TAFA5: variants seen among roughly 807,000 people sequenced by gnomAD.
TAFA5 encodes the protein TAFA chemokine like family member 5.
In TAFA5, 6 loss-of-function variants were observed where a neutral mutation model predicts 15.3. That is an observed-to-expected ratio of 0.39 (90% CI 0.21 to 0.77). The LOEUF (loss-of-function observed/expected upper bound fraction) is 0.77. TAFA5 is among the 30% of genes least tolerant of loss of function. The pLI, the probability that TAFA5 is intolerant of heterozygous loss-of-function variation, is 0.41. For synonymous variants in TAFA5, 103 were observed against 80.7 expected (o/e 1.28, Z -1.48); for missense variants, 161 against 193.1 (o/e 0.83, Z 0.98).
chr22:48,669,304 G>A (rs9617493), intron 2 of TAFA5, among the ~76,000 whole-genome samples: 55,581 of 152,220 alleles, frequency 0.37, 10,375 homozygotes, highest in Non-Finnish European at 0.41. Context: ...GAAGGTGGCT[G>A]CAGGCCCCAG....
At chr22:48,735,275 G>A (rs1006138827) in intron 3 of TAFA5, among the ~76,000 whole-genome samples, 38 of 152,158 alleles carry the variant, frequency 2.5e-4, no homozygotes, top group East Asian at 1.9e-4. Context: ...AACCTCAAAC[G>A]TAGGACAGTC....
At chr22:48,607,847 G>C (rs1181192563) in intron 1 of TAFA5, among the ~76,000 whole-genome samples, 1 of 151,796 alleles carries the variant, frequency 6.6e-6, no homozygotes, top group African/African-American at 2.4e-5. Flanking sequence ...TCCATTTTTT[G>C]CTTGGTCTAA....
At position 48,669,300 on chromosome 22, in the gene TAFA5, G is replaced by A. The variant is rs111859224; in HGVS notation, c.262+22554G>A. Among the ~76,000 whole-genome samples, 575 of 152,364 alleles carry A rather than the reference G, an allele frequency of 3.8e-3. 4 individuals carry two copies. Among genetic ancestry groups the A allele is most frequent in the African/African-American group, 0.013 (553 of 41,584 alleles). Reference sequence around the variant, plus strand: ...TCCAAACTCTGAAAAAGGAGAAGGTGGCTGCAGGCCCCAGCCCATGAGCTT... The same window carrying A: ...TCCAAACTCTGAAAAAGGAGAAGGTAGCTGCAGGCCCCAGCCCATGAGCTT... On this transcript the variant is annotated intron_variant, in intron 2 of 3. Transcript: ENST00000402357.
intron 1 of TAFA5, among the ~76,000 whole-genome samples, chr22:48,636,782 T>C (rs1926466801): frequency 6.6e-6 from 1 of 152,092 alleles, no homozygotes. Context: ...AGAGCTAGTG[T>C]GGGTGTGGGC....
intron 1 of TAFA5, among the ~76,000 whole-genome samples, chr22:48,577,625 G>A (rs1418554385): frequency 6.6e-6 from 1 of 152,222 alleles, no homozygotes; most frequent in Non-Finnish European, 1.5e-5. Flanking sequence ...ACATTCAGCT[G>A]CTTTCCTGAC....
chr22:48,597,060 G>C (rs771322944), intron 1 of TAFA5, among the ~76,000 whole-genome samples: 218 of 152,322 alleles, frequency 1.4e-3, no homozygotes, highest in Non-Finnish European at 2.0e-3. Context: ...TCCCGTCTTG[G>C]CCTCCCCAAA....
intron 1 of TAFA5, among the ~76,000 whole-genome samples, chr22:48,615,171 T>C (rs1300544317): frequency 1.3e-5 from 2 of 152,156 alleles, no homozygotes. Context: ...TGGACAGGTA[T>C]GTGTCTCTCC....
At chr22:48,518,789 C>T (rs1051799928) in intron 1 of TAFA5, among the ~76,000 whole-genome samples, 1 of 152,220 alleles carries the variant, frequency 6.6e-6, no homozygotes, top group African/African-American at 2.4e-5. Context: ...CCCAGGGTCA[C>T]GCTGGGACAG....
At chr22:48,525,849 C>T (rs918689290) in intron 1 of TAFA5, among the ~76,000 whole-genome samples, 1 of 152,170 alleles carries the variant, frequency 6.6e-6, no homozygotes, top group African/African-American at 2.4e-5. Context: ...TGAGGTCGCC[C>T]CTGCAGAGGC....
rs184410013 is a variant in TAFA5 at position 48,494,556 on chromosome 22, C to A, written c.112+4852C>A. 1.1e-3 allele frequency among the ~76,000 whole-genome samples: 174 copies of A among 152,276 alleles called. 1 individual carries two copies. The highest frequency in any genetic ancestry group is 4.0e-3 in the African/African-American group (167 of 41,554). ...CCTGTGTTGGTGCAGATGCAGGGGG[C>A]CCATAGCGTCTGGTGTGTCTCTTCT... On this transcript the variant is annotated intron_variant, in intron 1 of 3. Coordinates refer to ENST00000402357, the MANE Select transcript of TAFA5 (RefSeq NM_001082967.3).
intron 2 of TAFA5, among the ~76,000 whole-genome samples, chr22:48,700,180 T>G (rs1213121499): frequency 6.6e-6 from 1 of 152,054 alleles, no homozygotes; most frequent in Non-Finnish European, 1.5e-5. Context: ...CCTTCTTTCA[T>G]CGAATCAGTC....
chr22:48,497,041 C>T (rs1353498576), intron 1 of TAFA5, among the ~76,000 whole-genome samples: 2 of 152,166 alleles, frequency 1.3e-5, no homozygotes, highest in Non-Finnish European at 2.9e-5. Context: ...GGGCTGGTCC[C>T]GCACAGGGAC....
chr22:48,627,554 A>G (rs2147186717), intron 1 of TAFA5, among the ~76,000 whole-genome samples: 1 of 152,374 alleles, frequency 6.6e-6, no homozygotes, highest in East Asian at 1.9e-4. Flanking sequence ...CTGTGCTTGG[A>G]GAGCAGGCAG....
chr22:48,629,402 C>T (rs55809185), intron 1 of TAFA5, among the ~76,000 whole-genome samples: 4 of 152,230 alleles, frequency 2.6e-5, no homozygotes, highest in African/African-American at 7.2e-5. Flanking sequence ...CAGCTGAGCC[C>T]GTAGCTCTGC....
chr22:48,578,666 C>T (rs1923911994), intron 1 of TAFA5, among the ~76,000 whole-genome samples: 1 of 152,228 alleles, frequency 6.6e-6, no homozygotes, highest in African/African-American at 2.4e-5. Context: ...TTGCGCAGCC[C>T]TCCAGGACTC....
intron 2 of TAFA5, among the ~76,000 whole-genome samples, chr22:48,668,921 C>T (rs1023081132): frequency 9.9e-5 from 15 of 152,232 alleles, no homozygotes; most frequent in Non-Finnish European, 2.1e-4. Context: ...GCTGTCTGAA[C>T]GGGCATTGCC....
chr22:48,521,167 C>A (rs907027642), intron 1 of TAFA5, among the ~76,000 whole-genome samples: 1 of 152,158 alleles, frequency 6.6e-6, no homozygotes, highest in Non-Finnish European at 1.5e-5. Flanking sequence ...TCAGTTATTG[C>A]CCTATCATCG....
At chr22:48,744,639 C>T (rs1432675676) in intron 3 of TAFA5, among the ~76,000 whole-genome samples, 3 of 152,220 alleles carry the variant, frequency 2.0e-5, no homozygotes, top group African/African-American at 7.2e-5. Context: ...AACCTGTGTG[C>T]TCTTCCGGCG....
At chr22:48,540,441 C>T (rs562229242) in intron 1 of TAFA5, among the ~76,000 whole-genome samples, 3 of 152,270 alleles carry the variant, frequency 2.0e-5, no homozygotes, top group South Asian at 2.1e-4. Flanking sequence ...GAACGATGAC[C>T]GATTACCCGA....
Sources: allele counts gnomAD v4.1 joint callset (sites outside exome capture counted in the v4.1 genomes callset), GRCh38; gene constraint gnomAD v4.1.1; transcripts MANE v1.5; gene names NCBI Gene and HGNC (gene_info 2026-07-23, HGNC 2026-07-21).